CSMD3: variants seen among roughly 807,000 people sequenced by gnomAD.
The protein encoded by CSMD3 is CUB and Sushi multiple domains 3, also known as CUB and sushi domain-containing protein 3.
CSMD3 carries 177 observed loss-of-function variants against 435.2 expected under a neutral mutation model. The observed-to-expected ratio is 0.41, with a 90% CI of 0.36 to 0.46. The LOEUF (loss-of-function observed/expected upper bound fraction) is 0.46, where lower values mean the gene tolerates loss of function less well. Among genes scored for constraint, CSMD3 ranks in the 20% least tolerant of loss-of-function variants. CSMD3 has a pLI of 0.34. For missense variants in CSMD3, 4,265 were observed against 4,504.6 expected (o/e 0.95, Z 1.52); for synonymous variants, 1,656 against 1,520.5 (o/e 1.09, Z -2.07).
At chr8:112,414,748 A>G (rs888364431) in intron 32 of CSMD3, among the ~76,000 whole-genome samples, 1 of 152,180 alleles carries the variant, frequency 6.6e-6, no homozygotes, top group Admixed American at 6.5e-5. Context: ...AAATGCTGAT[A>G]GTGATATGGA....
chr8:113,248,823 C>G (rs910872093), intron 3 of CSMD3, among the ~76,000 whole-genome samples: 4 of 151,526 alleles, frequency 2.6e-5, no homozygotes, highest in Admixed American at 6.6e-5. Flanking sequence ...GTATGATGTT[C>G]AAGAAACTTG....
At chr8:113,212,432 T>C (rs2092847564) in intron 3 of CSMD3, among the ~76,000 whole-genome samples, 2 of 152,160 alleles carry the variant, frequency 1.3e-5, no homozygotes, top group Admixed American at 1.3e-4. Context: ...TTTCTATTGG[T>C]TTCTTATTAC....
intron 46 of CSMD3, among the ~76,000 whole-genome samples, chr8:112,319,187 C>T (rs1030763165): frequency 2.6e-5 from 4 of 151,990 alleles, no homozygotes; most frequent in Admixed American, 1.3e-4. Context: ...CTGGTGCATG[C>T]TGGCTGGATA....
chr8:112,800,134 C>T (rs1303896830), intron 13 of CSMD3, 28 bp downstream of exon 13: 2 of 1,395,738 alleles, frequency 1.4e-6, no homozygotes, highest in South Asian at 1.2e-5. Context: ...ATTAAGATAA[C>T]ATTTCCTATG....
intron 4 of CSMD3, among the ~76,000 whole-genome samples, chr8:113,105,637 A>G (rs1245129680): frequency 1.3e-5 from 2 of 152,172 alleles, no homozygotes; most frequent in Admixed American, 1.3e-4. Context: ...TATAGAGTCC[A>G]CTTTGAATGG....
chr8:113,274,929 A>C (rs990538207), intron 3 of CSMD3, among the ~76,000 whole-genome samples: 1 of 151,824 alleles, frequency 6.6e-6, no homozygotes, highest in African/African-American at 2.4e-5. Context: ...AGAATGTGTG[A>C]TTACTTCAAC....
At chr8:112,683,153 T>A (rs1247725892) in intron 15 of CSMD3, among the ~76,000 whole-genome samples, 1 of 152,016 alleles carries the variant, frequency 6.6e-6, no homozygotes, top group Non-Finnish European at 1.5e-5. Context: ...TCCATGACAT[T>A]TATTTTCTGC....
At position 112,314,573 on chromosome 8, in the gene CSMD3, T is replaced by C. The variant is rs1346475512; in HGVS notation, c.7405A>G (p.Ile2469Val). The C allele has an allele frequency of 4.3e-6, 7 of 1,612,864 alleles. No homozygotes were observed. The highest frequency in any genetic ancestry group is 5.9e-6 in the Non-Finnish European group (7 of 1,179,152). Residue 2469 changes from isoleucine to valine, a missense_variant, in exon 48 of 71, where the codon ATA becomes GTA. Ile to Val is a conservative substitution (Grantham distance 29). Around this residue, in one of 3 missense-constraint regions of CSMD3, gnomAD observed 3,255 missense variants for 3,380.2 expected, o/e 0.96. Coordinates refer to ENST00000297405, the MANE Select transcript of CSMD3 (RefSeq NM_198123.2). ...CTGTCAGGATATCCAGGGCTCAATA[T>C]GACTCCAGTAGAATCTAGCCGTAAT... is the stretch of plus-strand genomic sequence containing the variant. ...NELRLDSTGV[I>V]LSPGYPDSYP...
At chr8:112,350,391 T>C (rs1442891913) in intron 40 of CSMD3, among the ~76,000 whole-genome samples, 4 of 151,872 alleles carry the variant, frequency 2.6e-5, no homozygotes, top group Non-Finnish European at 5.9e-5. Context: ...CCTTGCAGGC[T>C]GAATATGTTT....
chr8:113,384,072 C>G (rs1221634558), intron 1 of CSMD3, among the ~76,000 whole-genome samples: 1 of 152,190 alleles, frequency 6.6e-6, no homozygotes, highest in Non-Finnish European at 1.5e-5. Flanking sequence ...TAATATTCAT[C>G]TTTTACCCCA....
At chr8:112,870,461 A>G (rs1374282482) in intron 10 of CSMD3, among the ~76,000 whole-genome samples, 2 of 150,810 alleles carry the variant, frequency 1.3e-5, no homozygotes, top group Non-Finnish European at 3.0e-5. Flanking sequence ...TTTTTTTAGT[A>G]GAGACGGGGT....
intron 64 of CSMD3, 71 bp downstream of exon 64, chr8:112,246,949 G>C: frequency 9.6e-7 from 1 of 1,039,964 alleles, no homozygotes; most frequent in Non-Finnish European, 1.5e-6. Context: ...AAATGTATTT[G>C]AATACTTGGG....
At position 112,698,003 on chromosome 8, in the gene CSMD3, GA is replaced by G. The variant is rs773260187; in HGVS notation, c.1973-7954del. On this transcript the variant is annotated intron_variant, in intron 13 of 70. Transcript: ENST00000297405. ...TTTTCTTCCCTTTTCTTTCAAAGTG[GA>G]ATGGGTAGAGTTAGGTGGCAGTGGC... 1.1e-3 allele frequency among the ~76,000 whole-genome samples: 161 copies of G among 152,216 alleles called. 1 individual carries two copies. The highest frequency in any genetic ancestry group is 1.9e-3 in the Non-Finnish European group (127 of 68,010).
At chr8:112,669,864 A>G (rs1474761319) in intron 16 of CSMD3, among the ~76,000 whole-genome samples, 1 of 152,182 alleles carries the variant, frequency 6.6e-6, no homozygotes. Context: ...ACTATTATAG[A>G]TAAGAAAACT....
At chr8:112,873,412 CAT>C (rs1367393646) in intron 10 of CSMD3, among the ~76,000 whole-genome samples, 3 of 151,988 alleles carry the variant, frequency 2.0e-5, no homozygotes, top group South Asian at 2.1e-4. Context: ...TAGCTTTTCA[CAT>C]GTTATTTCCT....
At chr8:112,424,265 T>A (rs1462982716) in intron 32 of CSMD3, among the ~76,000 whole-genome samples, 1 of 152,114 alleles carries the variant, frequency 6.6e-6, no homozygotes, top group Non-Finnish European at 1.5e-5. Context: ...AACAACAACC[T>A]TATCTATTTA....
chr8:112,484,537 A>T (rs1819933433), intron 31 of CSMD3, among the ~76,000 whole-genome samples: 1 of 151,898 alleles, frequency 6.6e-6, no homozygotes, highest in African/African-American at 2.4e-5. Flanking sequence ...GGTCCAGTAA[A>T]ACTGACAATA....
intron 12 of CSMD3, among the ~76,000 whole-genome samples, chr8:112,806,672 G>C (rs1259606061): frequency 6.6e-6 from 1 of 152,178 alleles, no homozygotes; most frequent in Non-Finnish European, 1.5e-5. Context: ...ACTAAGCTCT[G>C]ATGAATTTAT....
At chr8:112,996,084 T>C (rs2085641674) in intron 6 of CSMD3, among the ~76,000 whole-genome samples, 1 of 151,540 alleles carries the variant, frequency 6.6e-6, no homozygotes, top group Admixed American at 6.6e-5. Flanking sequence ...ATATGAATTA[T>C]GTCATATACT....
Sources: gnomAD v4.1 joint callset for allele counts (sites outside exome capture counted in the v4.1 genomes callset) on GRCh38, gnomAD v4.1.1 for gene constraint, gnomAD v4.1.1 regional missense constraint, MANE v1.5 for transcripts, NCBI Gene and HGNC (gene_info 2026-07-23, HGNC 2026-07-21) for gene names.